The following KCNIP4 variants were observed in gnomAD, a reference collection of about 807,000 sequenced individuals.
KCNIP4 encodes Kv channel-interacting protein 4.
A neutral mutation model predicts 34.0 loss-of-function variants in KCNIP4; 12 were observed. That is an observed-to-expected ratio of 0.35 (90% confidence interval 0.23 to 0.57). The LOEUF (loss-of-function observed/expected upper bound fraction) is 0.57, where lower values mean the gene tolerates loss of function less well. KCNIP4 is among the 20% of genes least tolerant of loss of function. KCNIP4 has a pLI of 0.83. For missense variants in KCNIP4, 238 were observed against 311.7 expected (o/e 0.76, Z 1.78); for synonymous variants, 124 against 102.2 (o/e 1.21, Z -1.29).
At chr4:20,836,978 C>T (rs889478041) in intron 3 of KCNIP4, among the ~76,000 whole-genome samples, 4 of 151,802 alleles carry the variant, frequency 2.6e-5, no homozygotes, top group African/African-American at 7.3e-5. Context: ...CAGGTGAGAA[C>T]GATTCTTTTT....
intron 1 of KCNIP4, among the ~76,000 whole-genome samples, chr4:21,406,714 C>G: frequency 6.6e-6 from 1 of 152,138 alleles, no homozygotes; most frequent in East Asian, 1.9e-4. Context: ...AACTGGCAAA[C>G]TATAGTTATT....
chr4:21,601,134 G>A (rs536680792), intron 1 of KCNIP4, among the ~76,000 whole-genome samples: 1 of 150,816 alleles, frequency 6.6e-6, no homozygotes, highest in Non-Finnish European at 1.5e-5. Flanking sequence ...GTTCTATCTG[G>A]GCTTCCTAGC....
intron 6 of KCNIP4, among the ~76,000 whole-genome samples, chr4:20,733,486 C>T (rs1748846759): frequency 6.6e-6 from 1 of 152,054 alleles, no homozygotes; most frequent in Non-Finnish European, 1.5e-5. Flanking sequence ...TAGGTTAATA[C>T]AGAGCGAATA....
chr4:21,328,451 G>A (rs1715304137), intron 1 of KCNIP4, among the ~76,000 whole-genome samples: 1 of 152,162 alleles, frequency 6.6e-6, no homozygotes, highest in Admixed American at 6.6e-5. Context: ...TGAGGTGCCT[G>A]GAGCTGGGGG....
chr4:20,902,324 G>A (rs1174970149), intron 1 of KCNIP4, among the ~76,000 whole-genome samples: 1 of 152,012 alleles, frequency 6.6e-6, no homozygotes, highest in Non-Finnish European at 1.5e-5. Context: ...CAGGGATGCT[G>A]GAAACCACAG....
intron 1 of KCNIP4, among the ~76,000 whole-genome samples, chr4:21,708,781 G>A (rs920023549): frequency 6.6e-6 from 1 of 152,094 alleles, no homozygotes; most frequent in Admixed American, 6.6e-5. Context: ...GTCATCAACC[G>A]CAAGCAATCC....
intron 1 of KCNIP4, among the ~76,000 whole-genome samples, chr4:21,942,421 C>T (rs1730252729): frequency 6.6e-6 from 1 of 152,186 alleles, no homozygotes; most frequent in Admixed American, 6.5e-5. Flanking sequence ...GTCATAGTAA[C>T]AACACCCAAA....
intron 1 of KCNIP4, among the ~76,000 whole-genome samples, chr4:21,820,237 A>G (rs1176802239): frequency 6.8e-6 from 1 of 148,084 alleles, no homozygotes; most frequent in African/African-American, 2.5e-5. Context: ...ATTTTAAATG[A>G]CACTAGATTA....
intron 1 of KCNIP4, among the ~76,000 whole-genome samples, chr4:21,218,677 G>A (rs761797253): frequency 2.0e-5 from 3 of 152,084 alleles, no homozygotes; most frequent in Non-Finnish European, 2.9e-5. Flanking sequence ...TCTCATATAC[G>A]TACAAAGGAT....
intron 1 of KCNIP4, among the ~76,000 whole-genome samples, chr4:21,565,509 A>G (rs1739808107): frequency 6.6e-6 from 1 of 152,114 alleles, no homozygotes; most frequent in African/African-American, 2.4e-5. Flanking sequence ...ATAAACATAA[A>G]TATGTGAACT....
chr4:21,781,809 GT>G (rs1361511964), intron 1 of KCNIP4, among the ~76,000 whole-genome samples: 2 of 151,994 alleles, frequency 1.3e-5, no homozygotes, highest in Non-Finnish European at 2.9e-5. Flanking sequence ...TATATAAATG[GT>G]GGGGAGTAAA....
At chr4:21,648,535 T>C (rs1342609070) in intron 1 of KCNIP4, among the ~76,000 whole-genome samples, 4 of 152,156 alleles carry the variant, frequency 2.6e-5, no homozygotes, top group African/African-American at 7.2e-5. Flanking sequence ...TGGAAAGAAC[T>C]ACCAGACACA....
At chr4:21,803,066 G>A (rs1424584899) in intron 1 of KCNIP4, among the ~76,000 whole-genome samples, 1 of 152,146 alleles carries the variant, frequency 6.6e-6, no homozygotes, top group Non-Finnish European at 1.5e-5. Context: ...AAGGTTAAAA[G>A]TAAAGGGATG....
At chr4:21,135,914 T>C (rs1262608644) in intron 1 of KCNIP4, among the ~76,000 whole-genome samples, 7 of 152,250 alleles carry the variant, frequency 4.6e-5, no homozygotes, top group Admixed American at 4.6e-4. Flanking sequence ...AAATATTCCC[T>C]ATGAAATGCT....
At chr4:21,805,092 A>G (rs962378567) in intron 1 of KCNIP4, among the ~76,000 whole-genome samples, 2 of 152,224 alleles carry the variant, frequency 1.3e-5, no homozygotes, top group African/African-American at 4.8e-5. Context: ...AAGGACATAC[A>G]GCCTTTTGAA....
chr4:21,845,241 T>G (rs1723939464), intron 1 of KCNIP4: 1 of 152,072 alleles, frequency 6.6e-6, no homozygotes. Flanking sequence ...TTATACAATC[T>G]TTACCACAAT....
intron 1 of KCNIP4, among the ~76,000 whole-genome samples, chr4:21,924,466 T>A (rs28406575): frequency 4.6e-5 from 7 of 151,942 alleles, no homozygotes; most frequent in Admixed American, 3.9e-4. Context: ...AAATGGTCTC[T>A]ATCTGCTGAC....
At chr4:21,786,078 A>G (rs1719890470) in intron 1 of KCNIP4, among the ~76,000 whole-genome samples, 1 of 152,214 alleles carries the variant, frequency 6.6e-6, no homozygotes, top group Non-Finnish European at 1.5e-5. Flanking sequence ...CCACCCGTGT[A>G]GCTGGGACTA....
At chr4:21,185,274 G>A (rs1469955579) in intron 1 of KCNIP4, among the ~76,000 whole-genome samples, 3 of 150,124 alleles carry the variant, frequency 2.0e-5, no homozygotes, top group Non-Finnish European at 4.4e-5. Context: ...ACAATTTCAG[G>A]TCTCCAGAGA....
Sources: gnomAD v4.1 joint callset for allele counts (sites outside exome capture counted in the v4.1 genomes callset) on GRCh38, gnomAD v4.1.1 for gene constraint, MANE v1.5 for transcripts, NCBI Gene and HGNC (gene_info 2026-07-23, HGNC 2026-07-21) for gene names.